The following GAN variants were observed in gnomAD, a reference collection of about 807,000 sequenced individuals.
GAN encodes the protein gigaxonin, also known as epididymis secretory sperm binding protein.
A neutral mutation model predicts 71.3 loss-of-function variants in GAN; 48 were observed. The ratio of observed to expected loss-of-function variants is 0.67; its 90% CI spans 0.53 to 0.86. GAN has a LOEUF of 0.86. Among genes scored for constraint, GAN ranks in the 40% least tolerant of loss-of-function variants. GAN has a pLI of 0.00. For synonymous variants in GAN, 386 were observed against 276.8 expected (o/e 1.39, Z -3.92); for missense variants, 928 against 770.1 (o/e 1.21, Z -2.43).
At chr16:81,315,592 G>T (rs1427129154) in intron 1 of GAN, among the ~76,000 whole-genome samples, 1 of 152,046 alleles carries the variant, frequency 6.6e-6, no homozygotes, top group African/African-American at 2.4e-5. Context: ...GCGAGCGCCC[G>T]ACCTCGGAGA....
chr16:81,375,340 T>C (rs866124326), intron 9 of GAN, among the ~76,000 whole-genome samples: 4,069 of 26,500 alleles, frequency 0.15, 95 homozygotes, highest in Non-Finnish European at 0.22. Context: ...TTAATTTATC[T>C]TTTTTTTTTT....
At chr16:81,377,198 G>T (rs758932484) in intron 9 of GAN, 21 bp from the exon 10 acceptor site, 8 of 1,366,570 alleles carry the variant, frequency 5.9e-6, no homozygotes, top group Non-Finnish European at 8.4e-6. Context: ...CCTTAATTTT[G>T]TGCATGGGCT....
chr16:81,362,584 A>C lies in GAN; in HGVS notation c.1059A>C (p.Thr353=). The change falls in exon 6 of 11, where the codon ACA becomes ACC. Residue 353 remains threonine (T), a synonymous_variant. Transcript: ENST00000648994. ...SGEKYDPDAN[T]WTALPPMNEA... The stretch of plus-strand genomic sequence containing the variant: ...AAAAGTATGATCCAGATGCAAATAC[A>C]TGGACAGCATTGCCACCTATGAACG... 6.3e-7 allele frequency: 1 copy of C among 1,583,752 alleles called. No individual in the cohort carries two copies. Among genetic ancestry groups the C allele is most frequent in the Non-Finnish European group, 8.7e-7 (1 of 1,152,214 alleles).
At chr16:81,323,117 A>C (rs72833370) in intron 1 of GAN, among the ~76,000 whole-genome samples, 2,159 of 152,274 alleles carry the variant, frequency 0.014, 39 homozygotes, top group Non-Finnish European at 0.017. Context: ...TAGTCCAGGG[A>C]ATAGTTTCCC....
intron 1 of GAN, among the ~76,000 whole-genome samples, chr16:81,330,682 A>G (rs1025434701): frequency 6.6e-6 from 1 of 152,256 alleles, no homozygotes; most frequent in Non-Finnish European, 1.5e-5. Context: ...GGCTACAAAA[A>G]GGGTGAGATT....
chr16:81,354,884 C>T (rs1435142981), intron 3 of GAN, 129 bp downstream of exon 3: 20 of 654,162 alleles, frequency 3.1e-5, no homozygotes, highest in Non-Finnish European at 5.1e-5. Flanking sequence ...ACCTGTAAAA[C>T]ATGTTCCCCT....
rs528212797 is a variant in GAN, at chr16:81,357,800, A to T, written c.852-10A>T. The T allele has an allele frequency of 5.6e-5, 91 of 1,611,444 alleles. 3 individuals carry two copies. The South Asian group carries it at 1.0e-3, about 18-fold the overall frequency. ...CACATTAACTACTGATCACTTATTTACTTCCTTAGTTCACGGAAACCCACA... is the reference window on the plus strand; with the variant it reads ...CACATTAACTACTGATCACTTATTTTCTTCCTTAGTTCACGGAAACCCACA... On this transcript the variant is annotated splice_polypyrimidine_tract_variant and intron_variant, in intron 4 of 10. Transcript: ENST00000648994.
intron 1 of GAN, among the ~76,000 whole-genome samples, chr16:81,318,069 T>A (rs1227137584): frequency 1.3e-5 from 2 of 152,208 alleles, no homozygotes; most frequent in East Asian, 3.8e-4. Flanking sequence ...TAATTTTGTA[T>A]TTTTACTGGT....
intron 9 of GAN, among the ~76,000 whole-genome samples, chr16:81,367,919 A>C (rs914306678): frequency 1.3e-5 from 2 of 152,222 alleles, no homozygotes; most frequent in Non-Finnish European, 2.9e-5. Context: ...CGATAGAACA[A>C]AATAACATGT....
intron 1 of GAN, among the ~76,000 whole-genome samples, chr16:81,332,670 C>G (rs1240650321): frequency 6.6e-6 from 1 of 152,210 alleles, no homozygotes; most frequent in Admixed American, 6.5e-5. Flanking sequence ...TGCCATGTCT[C>G]CTTAGTCTCC....
chr16:81,359,838 C>T (rs1026782314), intron 5 of GAN, among the ~76,000 whole-genome samples: 4 of 152,056 alleles, frequency 2.6e-5, no homozygotes, highest in South Asian at 2.1e-4. Flanking sequence ...GATAATAAAA[C>T]GACGATAACA....
At chr16:81,339,445 A>G (rs550134938) in intron 1 of GAN, among the ~76,000 whole-genome samples, 1 of 152,356 alleles carries the variant, frequency 6.6e-6, no homozygotes, top group Non-Finnish European at 1.5e-5. Flanking sequence ...TTGAGTATTT[A>G]AAGACCACTG....
intron 1 of GAN, among the ~76,000 whole-genome samples, chr16:81,347,405 C>T (rs1055198495): frequency 1.4e-4 from 22 of 152,190 alleles, no homozygotes; most frequent in Non-Finnish European, 2.8e-4. Context: ...GGACTGGCTT[C>T]CTTCTGCTGG....
chr16:81,358,440 T>G (rs915844322), intron 5 of GAN, among the ~76,000 whole-genome samples: 2 of 151,972 alleles, frequency 1.3e-5, no homozygotes, highest in African/African-American at 4.8e-5. Context: ...AGAAACTGTC[T>G]TTACTAAAAA....
intron 4 of GAN, among the ~76,000 whole-genome samples, chr16:81,357,569 G>A (rs1056429772): frequency 5.3e-5 from 8 of 152,248 alleles, no homozygotes; most frequent in Admixed American, 2.0e-4. Context: ...ATAAACATAC[G>A]TGTGCATGTG....
In GAN at chr16:81,365,550, T is replaced by C. The variant is rs897450269; in HGVS notation, c.1502+72T>C. The C allele has an allele frequency of 2.7e-6, 4 of 1,465,658 alleles. No individual in the cohort carries two copies. The African/African-American group carries it at 5.6e-5, about 20-fold the overall frequency. The allele number at this position is 1,465,658 out of a possible 1,614,324, so 90.8% of individuals were successfully genotyped here. A position where few individuals can be genotyped will look rare whatever the true frequency, so the allele number is the denominator to read the frequency against. On this transcript the variant is annotated intron_variant, in intron 9 of 10. Coordinates refer to ENST00000648994, the MANE Select transcript of GAN (RefSeq NM_022041.4). Reference sequence around the variant, plus strand: ...CTTTCAGTCGTATTTTAGCTTTGTTTAGTTTTGTTTTCAGTCACTTTATTA... The same window carrying C: ...CTTTCAGTCGTATTTTAGCTTTGTTCAGTTTTGTTTTCAGTCACTTTATTA...
rs75525959 is a variant in GAN at position 81,357,260 on chromosome 16, C to G, written c.851+258C>G. On this transcript the variant is annotated intron_variant, in intron 4 of 10. Coordinates refer to ENST00000648994, the MANE Select transcript of GAN (RefSeq NM_022041.4). ...TCCTAAAGCTATCCCTCCCCTCTCC[C>G]TCCACCCCGCAACAGTCCCCAGAGT... Among the ~76,000 whole-genome samples, 3,230 of 152,264 alleles carry G rather than the reference C, an allele frequency of 0.021. 59 individuals are homozygous for G. Among genetic ancestry groups the G allele is most frequent in the East Asian group, 0.083 (430 of 5,178 alleles).
rs1196637507 is a variant in GAN, at chr16:81,381,801, T to G, written c.*4205T>G. 6.6e-6 allele frequency: 1 copy of G among 152,226 alleles called. No individual in the cohort carries two copies. The highest frequency in any genetic ancestry group is 1.9e-4 in the East Asian group (1 of 5,196). 9.4% of individuals were successfully genotyped at this position (152,226 alleles called of 1,614,324 possible). A position where few individuals can be genotyped will look rare whatever the true frequency, so the allele number is the denominator to read the frequency against. ...AATGTTCTTCTGTTGAAAAGGGCAC[T>G]CCAAGAGTGACTGATTTTACTGGGT... On this transcript the variant is annotated 3_prime_UTR_variant, in exon 11 of 11. Coordinates refer to ENST00000648994, the MANE Select transcript of GAN (RefSeq NM_022041.4).
intron 1 of GAN, among the ~76,000 whole-genome samples, chr16:81,344,307 A>T (rs940417488): frequency 2.0e-5 from 3 of 152,174 alleles, no homozygotes; most frequent in Non-Finnish European, 2.9e-5. Flanking sequence ...AGCCAAGAGA[A>T]CCCTGGACAA....
Sources: gnomAD v4.1 joint callset for allele counts (sites outside exome capture counted in the v4.1 genomes callset) on GRCh38, gnomAD v4.1.1 for gene constraint, MANE v1.5 for transcripts, NCBI Gene and HGNC (gene_info 2026-07-23, HGNC 2026-07-21) for gene names.